DCTD: variants seen among roughly 807,000 people sequenced by gnomAD.
DCTD encodes the protein deoxycytidylate deaminase.
A neutral mutation model predicts 21.0 loss-of-function variants in DCTD; 23 were observed. That is an observed-to-expected ratio of 1.09 (90% CI 0.79 to 1.55). DCTD has a LOEUF of 1.55. Among genes scored for constraint, DCTD ranks in the 40% most tolerant of loss-of-function variants. The pLI, the probability that DCTD is intolerant of heterozygous loss-of-function variation, is 0.00. For synonymous variants in DCTD, 71 were observed against 81.1 expected, an observed-to-expected ratio of 0.88 and a Z score of 0.67; for missense variants, 224 against 230.0, an observed-to-expected ratio of 0.97 and a Z score of 0.17.
rs541432988 is a variant in DCTD, at chr4:182,917,109, G to C, written c.-8+202C>G. On this transcript the variant is annotated intron_variant, in intron 1 of 5. Coordinates refer to ENST00000438320, the MANE Select transcript of DCTD (RefSeq NM_001921.3). The surrounding 1 kb of genome is among the most constrained non-coding windows in gnomAD (Gnocchi z 4.9). ...CGCCCGCCGAGAAATCGACCCTGGA[G>C]TGACTGCGGGGACCCCGAGCGCCCC... 1.2e-3 allele frequency: 1,159 copies of C among 987,682 alleles called. 3 individuals are homozygous for C. Among genetic ancestry groups the C allele is most frequent in the Middle Eastern group, 8.3e-3 (16 of 1,928 alleles). The allele number at this position is 987,682 out of a possible 1,614,324, so 61.2% of individuals were successfully genotyped here.
chr4:182,900,607 A>G (rs1006722767), intron 3 of DCTD, among the ~76,000 whole-genome samples: 2 of 152,112 alleles, frequency 1.3e-5, no homozygotes, highest in Non-Finnish European at 2.9e-5. Context: ...GTAAAAAAAA[A>G]AAGAAAAAAA....
At chr4:182,898,722 C>T (rs1269770916) in intron 3 of DCTD, among the ~76,000 whole-genome samples, 1 of 152,130 alleles carries the variant, frequency 6.6e-6, no homozygotes, top group Non-Finnish European at 1.5e-5. Flanking sequence ...TCTTGTCAGC[C>T]TTTTAGGATT....
At chr4:182,904,757 T>A (rs2152859900) in intron 3 of DCTD, among the ~76,000 whole-genome samples, 1 of 142,510 alleles carries the variant, frequency 7.0e-6, no homozygotes, top group East Asian at 2.1e-4. Flanking sequence ...CCGATGACCC[T>A]GCTTCCTCCA....
chr4:182,899,114 T>A (rs939998615), intron 3 of DCTD, among the ~76,000 whole-genome samples: 1 of 152,160 alleles, frequency 6.6e-6, no homozygotes, highest in African/African-American at 2.4e-5. Flanking sequence ...TGGGAAGCAA[T>A]GCGCACAGTT....
At chr4:182,891,501 T>C (rs550471674) in intron 5 of DCTD, 24 bp from the exon 6 acceptor site, 2 of 1,508,986 alleles carry the variant, frequency 1.3e-6, no homozygotes, top group African/African-American at 1.4e-5. Context: ...CAAAATACAA[T>C]TATTATCTGG....
intron 3 of DCTD, among the ~76,000 whole-genome samples, chr4:182,898,677 A>G (rs1387298226): frequency 1.3e-5 from 2 of 152,134 alleles, no homozygotes; most frequent in Non-Finnish European, 2.9e-5. Context: ...TTCTCCTGTA[A>G]GCATGCATAC....
intron 3 of DCTD, among the ~76,000 whole-genome samples, chr4:182,908,060 G>C (rs1197070477): frequency 6.6e-6 from 1 of 151,848 alleles, no homozygotes; most frequent in Non-Finnish European, 1.5e-5. Context: ...TCTTCAGGAA[G>C]TAAAAGTAAA....
In DCTD at chr4:182,916,893, C is replaced by T. The variant is rs1021129807; in HGVS notation, c.-8+418G>A. ...AGAGAGAACTGGAGCTCGAATACAA[C>T]GATTCAGGAAGACACATCCGGTCAC... On this transcript the variant is annotated intron_variant, in intron 1 of 5. Transcript: ENST00000438320. 4.0e-6 allele frequency: 4 copies of T among 1,010,524 alleles called. No homozygotes were observed. In the African/African-American group the frequency reaches 7.0e-5, roughly 18 times the overall value. The allele number at this position is 1,010,524 out of a possible 1,614,324, so 62.6% of individuals were successfully genotyped here. A position where few individuals can be genotyped will look rare whatever the true frequency, so the allele number is the denominator to read the frequency against.
intron 3 of DCTD, among the ~76,000 whole-genome samples, chr4:182,910,105 T>C (rs547002626): frequency 2.3e-4 from 35 of 152,276 alleles, no homozygotes; most frequent in African/African-American, 7.5e-4. Flanking sequence ...GACACTGAGA[T>C]GCTACGGTTC....
At chr4:182,906,040 C>T (rs1736651057) in intron 3 of DCTD, among the ~76,000 whole-genome samples, 1 of 152,100 alleles carries the variant, frequency 6.6e-6, no homozygotes, top group Admixed American at 6.6e-5. Context: ...GCCCCAGCAC[C>T]CACCCCCTCC....
In DCTD at chr4:182,902,092, T is replaced by A. The variant is rs147891527; in HGVS notation, c.245-7487A>T. On this transcript the variant is annotated intron_variant, in intron 3 of 5. Coordinates refer to ENST00000438320, the MANE Select transcript of DCTD (RefSeq NM_001921.3). ...AAATGGAATTTCAACTACTTGTTTC[T>A]TAATTATTGAAAGATATCCTGACAG... 7.4e-3 allele frequency among the ~76,000 whole-genome samples: 1,132 copies of A among 152,310 alleles called. 12 individuals are homozygous for A. Among genetic ancestry groups the A allele is most frequent in the African/African-American group, 0.026 (1,071 of 41,552 alleles).
intron 1 of DCTD, 135 bp from the exon 2 acceptor site, chr4:182,915,710 C>G (rs1225623673): frequency 1.3e-6 from 1 of 780,680 alleles, no homozygotes; most frequent in Non-Finnish European, 2.1e-6. Flanking sequence ...AATCAGAAAT[C>G]ACAGCACATG....
chr4:182,913,115 A>G (rs541883879), intron 3 of DCTD, among the ~76,000 whole-genome samples: 1 of 152,242 alleles, frequency 6.6e-6, no homozygotes, highest in African/African-American at 2.4e-5. Context: ...CATGGACTTA[A>G]AAACAACTAA....
rs755801069 is a variant in DCTD at position 182,893,006 on chromosome 4, C to T, written c.458+25G>A. On this transcript the variant is annotated intron_variant, in intron 5 of 5. Coordinates refer to ENST00000438320, the MANE Select transcript of DCTD (RefSeq NM_001921.3). ...CATCAGCCTTCACCCTACCCCGTCC[C>T]CCCGCCCGCATTCTCCCCACTTACC... The T allele has an allele frequency of 2.2e-5, 33 of 1,476,952 alleles. 1 individual carries two copies. The South Asian group carries it at 2.3e-4, about 10-fold the overall frequency. The allele number at this position is 1,476,952 out of a possible 1,614,324, so 91.5% of individuals were successfully genotyped here.
chr4:182,916,824 C>A (rs1456816909), intron 1 of DCTD: 32 of 1,103,186 alleles, frequency 2.9e-5, no homozygotes, highest in Admixed American at 4.2e-5. Flanking sequence ...TGTGGCTGAA[C>A]GCCCACTAGA....
chr4:182,915,650 A>T (rs1468811915), intron 1 of DCTD, 75 bp from the exon 2 acceptor site: 2 of 1,017,530 alleles, frequency 2.0e-6, no homozygotes, highest in African/African-American at 3.2e-5. Context: ...CAACCCAACC[A>T]CACTGAACCT....
intron 3 of DCTD, among the ~76,000 whole-genome samples, chr4:182,912,862 G>A (rs899694516): frequency 1.3e-5 from 2 of 152,152 alleles, no homozygotes; most frequent in Non-Finnish European, 2.9e-5. Context: ...TGCTCACCCA[G>A]GACCCCTCCG....
intron 4 of DCTD, 68 bp from the exon 5 acceptor site, chr4:182,893,195 C>CA (rs1734131532): frequency 6.7e-6 from 6 of 901,038 alleles, no homozygotes; most frequent in Non-Finnish European, 9.2e-6. Flanking sequence ...CAGGCGGAAG[C>CA]AGCTGGAGCA....
At chr4:182,892,614 C>A (rs377586407) in intron 5 of DCTD, among the ~76,000 whole-genome samples, 1 of 129,152 alleles carries the variant, frequency 7.7e-6, no homozygotes, top group Admixed American at 8.6e-5. Context: ...GGTGACAGAG[C>A]GAGACTCCGT....
Sources: allele counts gnomAD v4.1 joint callset (sites outside exome capture counted in the v4.1 genomes callset), GRCh38; gene constraint gnomAD v4.1.1; non-coding constraint Gnocchi (gnomAD v3.1); transcripts MANE v1.5; gene names NCBI Gene and HGNC (gene_info 2026-07-23, HGNC 2026-07-21).